The following ATXN1 variants were observed in gnomAD, a reference collection of about 807,000 sequenced individuals.
The protein encoded by ATXN1 is ataxin 1.
In ATXN1, 8 loss-of-function variants were observed where a neutral mutation model predicts 56.4. The ratio of observed to expected loss-of-function variants is 0.14; its 90% CI spans 0.08 to 0.26. The LOEUF (loss-of-function observed/expected upper bound fraction) is 0.26. ATXN1 is among the 10% of genes least tolerant of loss of function. The pLI is 1.00. For missense variants in ATXN1, 987 were observed against 1,106.5 expected (o/e 0.89, Z 1.53); for synonymous variants, 514 against 494.6 (o/e 1.04, Z -0.52).
rs568123248 is a variant in ATXN1, at chr6:16,535,984, G to A, written c.-360-13296C>T. ...CCAGCACTTTGTGGGGCCAAAGAGG[G>A]TGGATCACTTGAGCCCAGAAGTTTG... On this transcript the variant is annotated intron_variant, in intron 4 of 7. Coordinates refer to ENST00000436367, the MANE Select transcript of ATXN1 (RefSeq NM_001128164.2). 4.6e-5 allele frequency among the ~76,000 whole-genome samples: 7 copies of A among 152,228 alleles called. No individual in the cohort carries two copies. The South Asian group carries it at 1.5e-3, about 32-fold the overall frequency.
chr6:16,745,383 C>T (rs1007506398), intron 2 of ATXN1, among the ~76,000 whole-genome samples: 1 of 152,004 alleles, frequency 6.6e-6, no homozygotes, highest in African/African-American at 2.4e-5. Context: ...ATAAAACAAC[C>T]TGATAGAATG....
chr6:16,562,332 C>T (rs369358766), intron 4 of ATXN1, among the ~76,000 whole-genome samples: 1 of 146,376 alleles, frequency 6.8e-6, no homozygotes, highest in African/African-American at 2.5e-5. Flanking sequence ...AAGATCACCC[C>T]ACTGTACTCC....
intron 5 of ATXN1, among the ~76,000 whole-genome samples, chr6:16,494,661 T>C (rs887134950): frequency 8.5e-5 from 13 of 152,162 alleles, no homozygotes; most frequent in Non-Finnish European, 4.4e-5. Flanking sequence ...TAATTATACA[T>C]TGGAGAAAAG....
At position 16,521,199 on chromosome 6, in the gene ATXN1, T is replaced by C. The variant is rs1014885333; in HGVS notation, c.-299+1428A>G. On this transcript the variant is annotated intron_variant, in intron 5 of 7. Coordinates refer to ENST00000436367, the MANE Select transcript of ATXN1 (RefSeq NM_001128164.2). ...CTTCTGGGATTCTAACTGAGAATCA[T>C]ATTCTTAACTTCTCTCCATCTTATT... Among the ~76,000 whole-genome samples, 18 of 152,216 alleles carry C rather than the reference T, an allele frequency of 1.2e-4. 2 individuals carry two copies. The highest frequency in any genetic ancestry group is 1.2e-3 in the Admixed American group (18 of 15,284).
chr6:16,395,810 G>A (rs1014349754), intron 6 of ATXN1, among the ~76,000 whole-genome samples: 5 of 152,090 alleles, frequency 3.3e-5, no homozygotes, highest in East Asian at 1.9e-4. Context: ...GAGGTCAGGA[G>A]ATCGAGACCA....
chr6:16,328,240 C>G lies in ATXN1; in HGVS notation c.71G>C (p.Arg24Pro). ...PKKREIPATS[R>P]SSEEKAPTLP... The stretch of plus-strand genomic sequence containing the variant: ...GGTAGGGGCCTTCTCCTCGGAGGAC[C>G]GGCTGGTGGCGGGGATCTCGCGCTT... The change falls in exon 7 of 8, where the codon CGG becomes CCG. Residue 24 changes from arginine to proline, a missense_variant. Coordinates refer to ENST00000436367, the MANE Select transcript of ATXN1 (RefSeq NM_001128164.2). This position sits in a 1 kb window ranked among gnomAD's most constrained non-coding sequence, Gnocchi z 6.2. The G allele has an allele frequency of 6.4e-7, 1 of 1,554,312 alleles. No homozygotes were observed. The highest frequency in any genetic ancestry group is 1.4e-5 in the African/African-American group (1 of 73,126).
chr6:16,373,575 C>T (rs934456621), intron 6 of ATXN1, among the ~76,000 whole-genome samples: 4 of 152,170 alleles, frequency 2.6e-5, no homozygotes, highest in African/African-American at 7.2e-5. Flanking sequence ...ACAATTCCCA[C>T]ATATTGTAGG....
intron 7 of ATXN1, among the ~76,000 whole-genome samples, chr6:16,323,699 T>C (rs1760737360): frequency 6.6e-6 from 1 of 152,128 alleles, no homozygotes; most frequent in Admixed American, 6.5e-5. Context: ...TTTTCACACC[T>C]GCCTCTGTTC....
intron 6 of ATXN1, among the ~76,000 whole-genome samples, chr6:16,332,942 T>C (rs1323542202): frequency 6.6e-6 from 1 of 152,228 alleles, no homozygotes; most frequent in South Asian, 2.1e-4. Flanking sequence ...GATATCCAGA[T>C]GATTCTATGC....
At chr6:16,484,111 C>T (rs1205883282) in intron 6 of ATXN1, among the ~76,000 whole-genome samples, 2 of 152,112 alleles carry the variant, frequency 1.3e-5, no homozygotes, top group Non-Finnish European at 2.9e-5. Flanking sequence ...TATGAGGACC[C>T]TAAACCAAGA....
rs1554117720 is a variant in ATXN1, at chr6:16,584,633, A to ACCG, written c.-361+1146_-361+1147insCGG. 6.2e-4 allele frequency among the ~76,000 whole-genome samples: 90 copies of ACCG among 146,040 alleles called. 1 individual carries two copies. Among genetic ancestry groups the ACCG allele is most frequent in the African/African-American group, 2.1e-3 (78 of 37,724 alleles). On this transcript the variant is annotated intron_variant, in intron 4 of 7. Coordinates refer to ENST00000436367, the MANE Select transcript of ATXN1 (RefSeq NM_001128164.2). ...GTACAATTTACTTGACTTACAAATG[A>ACCG]CCCCCCCCACCCCCAAAACCCAAAA...
intron 6 of ATXN1, among the ~76,000 whole-genome samples, chr6:16,386,877 G>A (rs1457084568): frequency 6.6e-6 from 1 of 152,064 alleles, no homozygotes; most frequent in Non-Finnish European, 1.5e-5. Flanking sequence ...TCACTATGTT[G>A]CCCAGGCTGG....
At chr6:16,421,468 A>G (rs1212111163) in intron 6 of ATXN1, among the ~76,000 whole-genome samples, 1 of 152,210 alleles carries the variant, frequency 6.6e-6, no homozygotes, top group East Asian at 1.9e-4. Context: ...GACAGAAAGC[A>G]TGGAAAGGTC....
chr6:16,319,790 A>G (rs1033267169), intron 7 of ATXN1, among the ~76,000 whole-genome samples: 2 of 152,228 alleles, frequency 1.3e-5, no homozygotes, highest in African/African-American at 4.8e-5. Context: ...AGAGAATCAA[A>G]ACATATAAGA....
intron 6 of ATXN1, among the ~76,000 whole-genome samples, chr6:16,477,529 C>T (rs1166801069): frequency 6.6e-6 from 1 of 152,218 alleles, no homozygotes; most frequent in Non-Finnish European, 1.5e-5. Flanking sequence ...GCTCTCGTTA[C>T]ACTGGATGGC....
chr6:16,443,594 A>G (rs142837305), intron 6 of ATXN1, among the ~76,000 whole-genome samples: 3 of 152,232 alleles, frequency 2.0e-5, no homozygotes, highest in Admixed American at 6.5e-5. Flanking sequence ...AAATAAAAAA[A>G]ACCTTAAACA....
At chr6:16,457,131 T>G (rs1170797325) in intron 6 of ATXN1, among the ~76,000 whole-genome samples, 1 of 152,178 alleles carries the variant, frequency 6.6e-6, no homozygotes, top group African/African-American at 2.4e-5. Context: ...CACTTAGGAC[T>G]CTAACAGGTT....
At chr6:16,666,022 T>C (rs151098965) in intron 2 of ATXN1, among the ~76,000 whole-genome samples, 1,672 of 152,330 alleles carry the variant, frequency 0.011, 19 homozygotes, top group Middle Eastern at 0.061. Context: ...TTTTGAAATA[T>C]ACAATAAGTT....
intron 6 of ATXN1, among the ~76,000 whole-genome samples, chr6:16,475,908 T>A (rs1319252366): frequency 6.6e-6 from 1 of 151,502 alleles, no homozygotes; most frequent in Non-Finnish European, 1.5e-5. Flanking sequence ...CTCACTCTGT[T>A]ACCCAGACTG....
Sources: allele counts gnomAD v4.1 joint callset (sites outside exome capture counted in the v4.1 genomes callset), GRCh38; gene constraint gnomAD v4.1.1; non-coding constraint Gnocchi (gnomAD v3.1); transcripts MANE v1.5; gene names NCBI Gene and HGNC (gene_info 2026-07-23, HGNC 2026-07-21).